The following WNT5B variants were observed in gnomAD, a reference collection of about 807,000 sequenced individuals.
WNT5B encodes the protein protein Wnt-5b.
Under a neutral mutation model 36.5 loss-of-function variants are expected in WNT5B, and 18 were observed. That is an observed-to-expected ratio of 0.49 (90% CI 0.34 to 0.73). WNT5B has a LOEUF of 0.73. Ranked by LOEUF, WNT5B falls within the 30% of genes least tolerant of loss-of-function variation. WNT5B has a pLI of 0.01. For missense variants in WNT5B, 424 were observed against 508.4 expected (o/e 0.83, Z 1.60); for synonymous variants, 213 against 212.3 (o/e 1.00, Z -0.03).
At chr12:1,635,371 G>T (rs1246311966) in intron 3 of WNT5B, among the ~76,000 whole-genome samples, 1 of 152,234 alleles carries the variant, frequency 6.6e-6, no homozygotes, top group Non-Finnish European at 1.5e-5. Flanking sequence ...ATGTAGCTTG[G>T]AAAAGTGAAA....
chr12:1,625,780 C>T (rs1017037772), upstream of WNT5B, among the ~76,000 whole-genome samples: 2 of 152,162 alleles, frequency 1.3e-5, no homozygotes, highest in African/African-American at 4.8e-5. Flanking sequence ...TCTCCTGCCT[C>T]AGCCTCCCAA....
chr12:1,633,197 G>C lies in WNT5B; in HGVS notation c.328+292G>C, dbSNP rs995201717. 2.0e-5 allele frequency among the ~76,000 whole-genome samples: 3 copies of C among 152,164 alleles called. No individual in the cohort carries two copies. The highest frequency in any genetic ancestry group is 6.5e-5 in the Admixed American group (1 of 15,280). ...CAGGTTGCTTGGGACTCACTGAGAGGGGGCAGGACATCTGAGTTGACTTAG... is the reference window on the plus strand; with the variant it reads ...CAGGTTGCTTGGGACTCACTGAGAGCGGGCAGGACATCTGAGTTGACTTAG... On this transcript the variant is annotated intron_variant, in intron 3 of 4. Transcript: ENST00000397196. This position sits in a 1 kb window ranked among gnomAD's most constrained non-coding sequence, Gnocchi z 4.8.
At chr12:1,626,633 T>C (rs1267768075), upstream of WNT5B, among the ~76,000 whole-genome samples, 1 of 151,190 alleles carries the variant, frequency 6.6e-6, no homozygotes, top group East Asian at 1.9e-4. Context: ...GGCACGATCT[T>C]GACCCACTGC....
At chr12:1,637,263 G>A (rs1196025202) in intron 3 of WNT5B, among the ~76,000 whole-genome samples, 2 of 152,252 alleles carry the variant, frequency 1.3e-5, no homozygotes, top group East Asian at 1.9e-4. Flanking sequence ...TATGAATAAT[G>A]CTGCAAGAAG....
chr12:1,642,043 A>T (rs2094576422), intron 4 of WNT5B, among the ~76,000 whole-genome samples: 1 of 152,130 alleles, frequency 6.6e-6, no homozygotes, highest in Non-Finnish European at 1.5e-5. Context: ...TTTGTTTCCC[A>T]GAAAAGGGTG....
intron 4 of WNT5B, among the ~76,000 whole-genome samples, chr12:1,641,008 T>G (rs2094574137): frequency 6.6e-6 from 1 of 152,042 alleles, no homozygotes; most frequent in Non-Finnish European, 1.5e-5. Context: ...TTTCTTGGAG[T>G]GTTGTCCCCA....
Position 1,630,617 on chromosome 12 carries a change from G to A in WNT5B, c.-57-681G>A, listed in dbSNP as rs886887151. ...TGCCGGGAGGGGCAGGGGCCGCCTA[G>A]GGAGGCACCACCTCAGCCGCCAGAG... On this transcript the variant is annotated intron_variant, in intron 1 of 4. Transcript: ENST00000397196. The surrounding 1 kb of genome is among the most constrained non-coding windows in gnomAD (Gnocchi z 5.3). Among the ~76,000 whole-genome samples, 2 of 152,202 alleles carry A rather than the reference G, an allele frequency of 1.3e-5. No individual in the cohort carries two copies. Among genetic ancestry groups the A allele is most frequent in the African/African-American group, 4.8e-5 (2 of 41,454 alleles).
At chr12:1,624,400 A>AAG (rs1277473887), upstream of WNT5B, among the ~76,000 whole-genome samples, 1 of 140,230 alleles carries the variant, frequency 7.1e-6, no homozygotes, top group Non-Finnish European at 1.5e-5. Flanking sequence ...AAAAAAAAAA[A>AAG]AGAGAAAGCA....
At chr12:1,617,071 A>T (rs137983790) in exon 1 of WNT5B, 35 of 152,266 alleles carry the variant, frequency 2.3e-4, no homozygotes, top group African/African-American at 7.5e-4. Context: ...TTCCAAATGG[A>T]AACTGCTAAT....
intron 4 of WNT5B, among the ~76,000 whole-genome samples, chr12:1,643,608 C>T (rs372385351): frequency 0.01 from 1,582 of 151,588 alleles, 15 homozygotes; most frequent in Non-Finnish European, 0.017. Flanking sequence ...TCAGGTGATC[C>T]GCCCGCCTTG....
upstream of WNT5B, among the ~76,000 whole-genome samples, chr12:1,626,497 G>A (rs750025146): frequency 3.3e-5 from 5 of 151,324 alleles, no homozygotes; most frequent in African/African-American, 7.3e-5. Context: ...TCCTGACCTC[G>A]GGTAATCCAC....
chr12:1,641,833 G>A (rs1043782233), intron 4 of WNT5B, among the ~76,000 whole-genome samples: 38 of 152,174 alleles, frequency 2.5e-4, no homozygotes, highest in African/African-American at 8.2e-4. Context: ...GAAAAAAAAT[G>A]TGAACTCATA....
In WNT5B at chr12:1,631,288, T is replaced by C. The variant is rs1255332750; in HGVS notation, c.-57-10T>C. 6.3e-7 allele frequency: 1 copy of C among 1,596,468 alleles called. No individual in the cohort carries two copies. Among genetic ancestry groups the C allele is most frequent in the Non-Finnish European group, 8.6e-7 (1 of 1,169,346 alleles). Reference sequence around the variant, plus strand: ...TTTCCACACTGACTCTCCATTTCTGTTTTCTCCAGGGAACCCTACTCTGGA... The same window carrying C: ...TTTCCACACTGACTCTCCATTTCTGCTTTCTCCAGGGAACCCTACTCTGGA... On this transcript the variant is annotated splice_polypyrimidine_tract_variant and intron_variant, in intron 1 of 4. Transcript: ENST00000397196.
intron 3 of WNT5B, among the ~76,000 whole-genome samples, chr12:1,637,086 A>G (rs1409023882): frequency 1.3e-5 from 2 of 152,120 alleles, no homozygotes; most frequent in Non-Finnish European, 2.9e-5. Flanking sequence ...TCCTGGCTTC[A>G]AGTGATCCTC....
upstream of WNT5B, among the ~76,000 whole-genome samples, chr12:1,626,860 C>T (rs190455964): frequency 1.0e-3 from 157 of 152,290 alleles, no homozygotes; most frequent in Middle Eastern, 6.8e-3. Flanking sequence ...CCACTGCGCC[C>T]GGCCGCCAAA....
chr12:1,638,669 G>C (rs1265493329), intron 3 of WNT5B, among the ~76,000 whole-genome samples: 1 of 152,214 alleles, frequency 6.6e-6, no homozygotes, highest in African/African-American at 2.4e-5. Flanking sequence ...TTTTCTGCTG[G>C]AAAATGATCT....
intron 1 of WNT5B, among the ~76,000 whole-genome samples, chr12:1,621,793 T>C (rs1270471676): frequency 6.6e-6 from 1 of 150,656 alleles, no homozygotes; most frequent in East Asian, 2.0e-4. Flanking sequence ...GATCCTCCCA[T>C]CCCGGCCTCC....
chr12:1,645,986 C>A lies in WNT5B; in HGVS notation c.814C>A (p.Gln272Lys). ...RLELVNSRFT[Q>K]PTPEDLVYVD... ...GGAGCTGGTCAACAGCCGCTTCACC[C>A]AGCCCACCCCGGAGGACCTGGTCTA... The change falls in exon 5 of 5, where the codon CAG (glutamine) becomes AAG (lysine). Residue 272 changes from glutamine (Q) to lysine (K), a missense_variant. Gln to Lys is a moderately conservative substitution (Grantham distance 53). Coordinates refer to ENST00000397196, the MANE Select transcript of WNT5B (RefSeq NM_032642.3). 6.2e-7 allele frequency: 1 copy of A among 1,611,608 alleles called. No individual in the cohort carries two copies.
chr12:1,630,070 C>A lies in WNT5B; in HGVS notation c.-58+699C>A. The A allele has an allele frequency of 1.2e-5, 11 of 952,574 alleles. No individual in the cohort carries two copies. The highest frequency in any genetic ancestry group is 1.4e-5 in the Non-Finnish European group (11 of 799,984). The allele number at this position is 952,574 out of a possible 1,614,324, so 59.0% of individuals were successfully genotyped here. On this transcript the variant is annotated intron_variant, in intron 1 of 4. Coordinates refer to ENST00000397196, the MANE Select transcript of WNT5B (RefSeq NM_032642.3). The surrounding 1 kb of genome is among the most constrained non-coding windows in gnomAD (Gnocchi z 5.3). ...GGGCTGTGTCCCAGCTCTCCTGGAC[C>A]CTGCTCGGGCCACTGTCCTCTCCTG...
Sources: gnomAD v4.1 joint callset for allele counts (sites outside exome capture counted in the v4.1 genomes callset) on GRCh38, gnomAD v4.1.1 for gene constraint, Gnocchi (gnomAD v3.1) non-coding constraint, MANE v1.5 for transcripts, NCBI Gene and HGNC (gene_info 2026-07-23, HGNC 2026-07-21) for gene names.